IGF1R: variants seen among roughly 807,000 people sequenced by gnomAD.
IGF1R encodes the protein insulin like growth factor 1 receptor, also known as insulin-like growth factor 1 receptor.
In IGF1R, 44 loss-of-function variants were observed where a neutral mutation model predicts 144.6. The ratio of observed to expected loss-of-function variants is 0.30; its 90% CI spans 0.24 to 0.39. The LOEUF (loss-of-function observed/expected upper bound fraction) is 0.39, where lower values mean the gene tolerates loss of function less well. Among genes scored for constraint, IGF1R ranks in the 10% least tolerant of loss-of-function variants. IGF1R has a pLI of 1.00. For synonymous variants in IGF1R, 795 were observed against 722.8 expected, an observed-to-expected ratio of 1.10 and a Z score of -1.60; for missense variants, 1,355 against 1,833.7, an observed-to-expected ratio of 0.74 and a Z score of 4.77.
intron 2 of IGF1R, among the ~76,000 whole-genome samples, chr15:98,800,582 G>A (rs2056339975): frequency 6.6e-6 from 1 of 152,188 alleles, no homozygotes; most frequent in South Asian, 2.1e-4. Flanking sequence ...CACGCTGGGT[G>A]TTAGCGTTAG....
chr15:98,883,880 A>C (rs1001597156), intron 2 of IGF1R, among the ~76,000 whole-genome samples: 1 of 152,164 alleles, frequency 6.6e-6, no homozygotes, highest in Non-Finnish European at 1.5e-5. Context: ...CACTCTGGTT[A>C]GTTTGAAGAC....
At chr15:98,944,676 C>T (rs1420733864) in intron 19 of IGF1R, among the ~76,000 whole-genome samples, 1 of 152,194 alleles carries the variant, frequency 6.6e-6, no homozygotes, top group South Asian at 2.1e-4. Flanking sequence ...GTAGAAGAGA[C>T]CCCAGAATTT....
chr15:98,953,622 G>C (rs1294464270), intron 20 of IGF1R, among the ~76,000 whole-genome samples: 2 of 152,098 alleles, frequency 1.3e-5, no homozygotes, highest in Non-Finnish European at 2.9e-5. Flanking sequence ...TGGAAGACTT[G>C]GGCCAGGAAG....
intron 3 of IGF1R, 55 bp from the exon 4 acceptor site, chr15:98,896,702 C>T (rs2014214815): frequency 6.4e-7 from 1 of 1,558,568 alleles, no homozygotes; most frequent in African/African-American, 1.4e-5. Context: ...TTTTTTAATG[C>T]AAGAAGACAG....
intron 2 of IGF1R, among the ~76,000 whole-genome samples, chr15:98,796,052 G>T (rs540493361): frequency 6.6e-6 from 1 of 152,274 alleles, no homozygotes; most frequent in South Asian, 2.1e-4. Flanking sequence ...CTGATCCCAG[G>T]CAGGCAGCTC....
At chr15:98,834,516 G>C (rs2057059042) in intron 2 of IGF1R, among the ~76,000 whole-genome samples, 1 of 152,196 alleles carries the variant, frequency 6.6e-6, no homozygotes, top group Non-Finnish European at 1.5e-5. Flanking sequence ...CATTTCACCA[G>C]AATTGATCCA....
At position 98,925,156 on chromosome 15, in the gene IGF1R, A is replaced by C. The variant is rs145822600; in HGVS notation, c.2782+472A>C. ...CATCTGGTTCAGCCTGCTACAGGGCAGGAATCTCCACGGTAGCATCGCAGA... is the reference window on the plus strand; with the variant it reads ...CATCTGGTTCAGCCTGCTACAGGGCCGGAATCTCCACGGTAGCATCGCAGA... On this transcript the variant is annotated intron_variant, in intron 13 of 20. Coordinates refer to ENST00000650285, the MANE Select transcript of IGF1R (RefSeq NM_000875.5). 2.6e-3 allele frequency among the ~76,000 whole-genome samples: 398 copies of C among 152,284 alleles called. 2 individuals are homozygous for C. The highest frequency in any genetic ancestry group is 8.3e-3 in the African/African-American group (346 of 41,566).
intron 2 of IGF1R, among the ~76,000 whole-genome samples, chr15:98,771,203 G>A (rs1290768083): frequency 6.6e-6 from 1 of 152,180 alleles, no homozygotes; most frequent in Non-Finnish European, 1.5e-5. Flanking sequence ...CCCACGTGGA[G>A]CTCAGAAAGA....
At chr15:98,915,905 G>A in intron 8 of IGF1R, 59 bp from the exon 9 acceptor site, 1 of 1,542,868 alleles carries the variant, frequency 6.5e-7, no homozygotes, top group Non-Finnish European at 9.0e-7. Flanking sequence ...CAGAGTATCT[G>A]ATAGCCTGAC....
chr15:98,699,579 A>T (rs2053676370), intron 1 of IGF1R, among the ~76,000 whole-genome samples: 1 of 152,158 alleles, frequency 6.6e-6, no homozygotes, highest in African/African-American at 2.4e-5. Context: ...ATTCTGCGCC[A>T]GTCTGTTTGG....
At chr15:98,666,668 G>T (rs533948821) in intron 1 of IGF1R, among the ~76,000 whole-genome samples, 1 of 152,168 alleles carries the variant, frequency 6.6e-6, no homozygotes, top group South Asian at 2.1e-4. Flanking sequence ...TTACCCTTAC[G>T]TGAGCTATGT....
intron 5 of IGF1R, among the ~76,000 whole-genome samples, chr15:98,906,466 T>C (rs1231335934): frequency 2.0e-5 from 3 of 152,210 alleles, no homozygotes; most frequent in Non-Finnish European, 2.9e-5. Flanking sequence ...TGAGCAAGAA[T>C]GGGCTTATGA....
chr15:98,934,691 G>A (rs927291113), intron 15 of IGF1R, 133 bp from the exon 16 acceptor site: 4 of 764,190 alleles, frequency 5.2e-6, no homozygotes, highest in African/African-American at 5.2e-5. Context: ...ATCAAGCCAT[G>A]CCATCGCCTC....
chr15:98,810,600 G>T (rs2056566351), intron 2 of IGF1R, among the ~76,000 whole-genome samples: 1 of 149,884 alleles, frequency 6.7e-6, no homozygotes, highest in Non-Finnish European at 1.5e-5. Context: ...CCAGGCTGGA[G>T]TGCGGTGGCG....
At chr15:98,805,348 C>T (rs1480226422) in intron 2 of IGF1R, among the ~76,000 whole-genome samples, 1 of 152,116 alleles carries the variant, frequency 6.6e-6, no homozygotes, top group African/African-American at 2.4e-5. Flanking sequence ...TTACATTTCT[C>T]ATTTTTCACA....
intron 1 of IGF1R, among the ~76,000 whole-genome samples, chr15:98,687,683 GGA>G (rs1364964025): frequency 1.3e-5 from 2 of 152,316 alleles, no homozygotes; most frequent in African/African-American, 4.8e-5. Context: ...GGTAACCAGG[GGA>G]GAGAGAGGTG....
intron 2 of IGF1R, among the ~76,000 whole-genome samples, chr15:98,845,579 CTCTCTTCTT>C (rs1351279646): frequency 4.2e-5 from 6 of 144,008 alleles, no homozygotes; most frequent in Non-Finnish European, 9.1e-5. Context: ...TTTCTCTTCT[CTCTCTTCTT>C]TCTCTCTTCT....
At chr15:98,718,449 G>T (rs2054172815) in intron 2 of IGF1R, among the ~76,000 whole-genome samples, 1 of 152,218 alleles carries the variant, frequency 6.6e-6, no homozygotes, top group Admixed American at 6.5e-5. Context: ...TGAGGTTGCC[G>T]TTCCTGGGGT....
chr15:98,960,395 C>T lies in IGF1R; in HGVS notation c.*2953C>T, dbSNP rs1366502777. The T allele has an allele frequency of 4.3e-6, 1 of 233,222 alleles. No individual in the cohort carries two copies. The highest frequency in any genetic ancestry group is 8.5e-6 in the Non-Finnish European group (1 of 118,066). 14.4% of individuals were successfully genotyped at this position (233,222 alleles called of 1,614,324 possible). A position where few individuals can be genotyped will look rare whatever the true frequency, so the allele number is the denominator to read the frequency against. Reference sequence around the variant, plus strand: ...GGCCAACGAGGGCACCAGAGCACACCTGGGGGAGCCACCAGGCTGTCCCTG... The same window carrying T: ...GGCCAACGAGGGCACCAGAGCACACTTGGGGGAGCCACCAGGCTGTCCCTG... On this transcript the variant is annotated 3_prime_UTR_variant, in exon 21 of 21. Transcript: ENST00000650285.
Sources: gnomAD v4.1 joint callset for allele counts (sites outside exome capture counted in the v4.1 genomes callset) on GRCh38, gnomAD v4.1.1 for gene constraint, MANE v1.5 for transcripts, NCBI Gene and HGNC (gene_info 2026-07-23, HGNC 2026-07-21) for gene names.